FHOD3: variants seen among roughly 807,000 people sequenced by gnomAD.
FHOD3 encodes FH1/FH2 domain-containing protein 3.
FHOD3 carries 90 observed loss-of-function variants against 173.0 expected under a neutral mutation model. The ratio of observed to expected loss-of-function variants is 0.52; its 90% CI spans 0.44 to 0.62. FHOD3 has a LOEUF of 0.62. Ranked by LOEUF, FHOD3 falls within the 20% of genes least tolerant of loss-of-function variation. The pLI is 0.00. For missense variants in FHOD3, 1,945 were observed against 2,034.7 expected (o/e 0.96, Z 0.85); for synonymous variants, 828 against 823.0 (o/e 1.01, Z -0.10).
intron 2 of FHOD3, among the ~76,000 whole-genome samples, chr18:36,366,027 G>C (rs541076641): frequency 6.6e-6 from 1 of 152,032 alleles, no homozygotes; most frequent in Non-Finnish European, 1.5e-5. Flanking sequence ...TGTGTGTCTC[G>C]GACTCCTCAC....
chr18:36,433,132 T>A lies in FHOD3; in HGVS notation c.337+60388T>A, dbSNP rs187246863. Among the ~76,000 whole-genome samples, 341 of 152,292 alleles carry A rather than the reference T, an allele frequency of 2.2e-3. 2 individuals are homozygous for A. Among genetic ancestry groups the A allele is most frequent in the Middle Eastern group, 3.4e-3 (1 of 294 alleles). ...TTTGATTAATTCAGAGTAAACTGAT[T>A]TGGAAACTTAATTACATCTGCAAAA... On this transcript the variant is annotated intron_variant, in intron 3 of 28. Coordinates refer to ENST00000590592, the MANE Select transcript of FHOD3 (RefSeq NM_001281740.3).
chr18:36,733,032 A>G (rs2041450207), intron 20 of FHOD3, among the ~76,000 whole-genome samples: 1 of 152,232 alleles, frequency 6.6e-6, no homozygotes. Context: ...CACTAGAGGG[A>G]AATTAACATT....
At chr18:36,478,103 G>A (rs1332222510) in intron 3 of FHOD3, among the ~76,000 whole-genome samples, 1 of 152,154 alleles carries the variant, frequency 6.6e-6, no homozygotes, top group African/African-American at 2.4e-5. Flanking sequence ...TAGTGGGGGT[G>A]TCATTTGAGC....
chr18:36,649,252 G>A (rs1474637557), intron 10 of FHOD3, 64 bp from the exon 11 acceptor site: 4 of 1,154,742 alleles, frequency 3.5e-6, no homozygotes, highest in Non-Finnish European at 4.9e-6. Context: ...CTGTTTGTCT[G>A]TAATGCTCAT....
chr18:36,729,033 C>T (rs557130606), intron 19 of FHOD3, among the ~76,000 whole-genome samples: 15 of 152,182 alleles, frequency 9.9e-5, no homozygotes, highest in Non-Finnish European at 1.2e-4. Flanking sequence ...AGACTAGATC[C>T]TAGACATTCT....
chr18:36,336,084 G>T (rs901519369), intron 1 of FHOD3, among the ~76,000 whole-genome samples: 3 of 152,176 alleles, frequency 2.0e-5, no homozygotes, highest in African/African-American at 7.2e-5. Context: ...ATCTGGGAAG[G>T]ATTACTCTCT....
intron 16 of FHOD3, among the ~76,000 whole-genome samples, chr18:36,690,522 A>G (rs2038897245): frequency 6.6e-6 from 1 of 152,118 alleles, no homozygotes; most frequent in African/African-American, 2.4e-5. Context: ...AGGTCATGAC[A>G]TAGGTCCAGC....
chr18:36,570,578 A>G (rs1042969571), intron 5 of FHOD3, among the ~76,000 whole-genome samples: 24 of 152,168 alleles, frequency 1.6e-4, no homozygotes, highest in African/African-American at 5.3e-4. Flanking sequence ...TGAAAACCAG[A>G]CATAAAATAC....
chr18:36,383,541 G>A (rs554181124), intron 3 of FHOD3, among the ~76,000 whole-genome samples: 5 of 152,268 alleles, frequency 3.3e-5, no homozygotes, highest in South Asian at 2.1e-4. Flanking sequence ...TCAGATTAAC[G>A]TCCCCATCTG....
At chr18:36,528,782 G>C (rs764685094) in intron 5 of FHOD3, among the ~76,000 whole-genome samples, 1 of 152,204 alleles carries the variant, frequency 6.6e-6, no homozygotes, top group Non-Finnish European at 1.5e-5. Flanking sequence ...TGAAGATTTT[G>C]AGTGCTGAAC....
intron 5 of FHOD3, among the ~76,000 whole-genome samples, chr18:36,532,286 C>T (rs2056817163): frequency 6.6e-6 from 1 of 152,238 alleles, no homozygotes; most frequent in Non-Finnish European, 1.5e-5. Flanking sequence ...TTGCCACAAT[C>T]CAGTCTTTAG....
chr18:36,641,952 CAA>C (rs11379735), intron 10 of FHOD3, among the ~76,000 whole-genome samples: 39 of 137,140 alleles, frequency 2.8e-4, no homozygotes, highest in African/African-American at 9.0e-4. Flanking sequence ...AACTCGGTCT[CAA>C]AAAAAAAAAA....
intron 20 of FHOD3, among the ~76,000 whole-genome samples, chr18:36,734,795 C>T (rs755181840): frequency 2.0e-5 from 3 of 152,168 alleles, no homozygotes; most frequent in South Asian, 2.1e-4. Flanking sequence ...GTCTGCTTCT[C>T]GGATGCAAGC....
At position 36,779,877 on chromosome 18, in the gene FHOD3, G is replaced by C. The variant is rs115641283; in HGVS notation, c.*347G>C. 2.3e-6 allele frequency: 1 copy of C among 440,736 alleles called. No individual in the cohort carries two copies. Among genetic ancestry groups the C allele is most frequent in the African/African-American group, 2.0e-5 (1 of 50,540 alleles). The allele number at this position is 440,736 out of a possible 1,614,324, so 27.3% of individuals were successfully genotyped here. On this transcript the variant is annotated 3_prime_UTR_variant, in exon 29 of 29. Transcript: ENST00000590592. ...TTATTATGGTAATATGAGGCAATCT[G>C]ATTAGCTTCACAGACTGAGTCTCCA...
chr18:36,434,038 G>A (rs981097989), intron 3 of FHOD3, among the ~76,000 whole-genome samples: 2 of 152,086 alleles, frequency 1.3e-5, no homozygotes, highest in African/African-American at 4.8e-5. Flanking sequence ...CAAGCCACTG[G>A]CGATTGCTGA....
intron 14 of FHOD3, among the ~76,000 whole-genome samples, chr18:36,671,452 A>G (rs565039982): frequency 6.6e-6 from 1 of 152,368 alleles, no homozygotes; most frequent in South Asian, 2.1e-4. Context: ...TTTCAGGTAC[A>G]GGTAAATCTG....
chr18:36,374,730 C>A (rs1371505391), intron 3 of FHOD3, among the ~76,000 whole-genome samples: 1 of 152,226 alleles, frequency 6.6e-6, no homozygotes, highest in Non-Finnish European at 1.5e-5. Context: ...ACATGGAATT[C>A]CAATGGGTAG....
At chr18:36,719,514 C>T (rs2040642957) in intron 19 of FHOD3, among the ~76,000 whole-genome samples, 1 of 152,140 alleles carries the variant, frequency 6.6e-6, no homozygotes, top group Non-Finnish European at 1.5e-5. Context: ...TTTTAAAAAC[C>T]CATTCTGGAT....
intron 5 of FHOD3, among the ~76,000 whole-genome samples, chr18:36,547,707 G>A (rs2057469267): frequency 6.6e-6 from 1 of 152,210 alleles, no homozygotes; most frequent in Non-Finnish European, 1.5e-5. Context: ...CGCAGTGTCT[G>A]TGGGAGCTGC....
Sources: gnomAD v4.1 joint callset for allele counts (sites outside exome capture counted in the v4.1 genomes callset) on GRCh38, gnomAD v4.1.1 for gene constraint, MANE v1.5 for transcripts, NCBI Gene and HGNC (gene_info 2026-07-23, HGNC 2026-07-21) for gene names.